The following CAMK2D variants were observed in gnomAD, a reference collection of about 807,000 sequenced individuals.
CAMK2D encodes the protein calcium/calmodulin-dependent protein kinase type II subunit delta.
Under a neutral mutation model 84.0 loss-of-function variants are expected in CAMK2D, and 37 were observed. That is an observed-to-expected ratio of 0.44 (90% CI 0.34 to 0.58). The LOEUF (loss-of-function observed/expected upper bound fraction) is 0.58, where lower values mean the gene tolerates loss of function less well. Ranked by LOEUF, CAMK2D falls within the 20% of genes least tolerant of loss-of-function variation. The probability of loss-of-function intolerance (pLI) is 0.02; values close to 1 mark genes in which losing one functional copy is unlikely to be tolerated. For missense variants in CAMK2D, 448 were observed against 652.5 expected (o/e 0.69, Z 3.41); for synonymous variants, 202 against 212.5 (o/e 0.95, Z 0.43).
At chr4:113,519,470 T>C in intron 8 of CAMK2D, among the ~76,000 whole-genome samples, 1 of 151,870 alleles carries the variant, frequency 6.6e-6, no homozygotes, top group Non-Finnish European at 1.5e-5. Flanking sequence ...TTAAATAAAA[T>C]AATAGCATAA....
At chr4:113,638,437 G>A (rs1464529834) in intron 3 of CAMK2D, among the ~76,000 whole-genome samples, 1 of 152,084 alleles carries the variant, frequency 6.6e-6, no homozygotes, top group African/African-American at 2.4e-5. Context: ...TCTTTTCTGA[G>A]GTGTGATTCC....
chr4:113,752,614 A>C (rs17636609), intron 2 of CAMK2D, among the ~76,000 whole-genome samples: 1 of 152,050 alleles, frequency 6.6e-6, no homozygotes, highest in East Asian at 1.9e-4. Context: ...GCTGAGTTTT[A>C]GTTTGCAGTG....
intron 4 of CAMK2D, among the ~76,000 whole-genome samples, chr4:113,578,220 C>T (rs547317425): frequency 1.3e-5 from 2 of 152,302 alleles, no homozygotes; most frequent in East Asian, 3.9e-4. Flanking sequence ...CTGTCATAGT[C>T]AGCCCCTTTG....
At chr4:113,508,172 A>G (rs2154158143) in intron 13 of CAMK2D, 2 of 1,183,816 alleles carry the variant, frequency 1.7e-6, no homozygotes, top group Non-Finnish European at 1.2e-6. Context: ...TCTTAGGTAA[A>G]TAAGACTTTT....
intron 18 of CAMK2D, 108 bp downstream of exon 18, chr4:113,460,039 G>T (rs944901822): frequency 6.4e-5 from 46 of 718,882 alleles, no homozygotes; most frequent in Admixed American, 1.4e-4. Context: ...TCAAATGCTG[G>T]ATGAAGGTAA....
At chr4:113,534,338 AAAAG>A (rs1349237844) in intron 7 of CAMK2D, among the ~76,000 whole-genome samples, 16 of 152,138 alleles carry the variant, frequency 1.1e-4, no homozygotes, top group African/African-American at 3.6e-4. Flanking sequence ...TGAGAAAAGA[AAAAG>A]AAAGAGAAAA....
At chr4:113,699,362 A>C (rs2099411685) in intron 2 of CAMK2D, among the ~76,000 whole-genome samples, 1 of 152,122 alleles carries the variant, frequency 6.6e-6, no homozygotes, top group African/African-American at 2.4e-5. Flanking sequence ...TCTCAGAAAA[A>C]AGTGACATAT....
intron 16 of CAMK2D, among the ~76,000 whole-genome samples, chr4:113,476,955 A>G (rs2154123987): frequency 6.6e-6 from 1 of 152,010 alleles, no homozygotes; most frequent in South Asian, 2.1e-4. Context: ...TTCCCAACCA[A>G]TCAGCAGCAC....
chr4:113,669,228 G>C (rs962888280), intron 2 of CAMK2D, among the ~76,000 whole-genome samples: 3 of 152,076 alleles, frequency 2.0e-5, no homozygotes, highest in African/African-American at 7.2e-5. Context: ...ATAAACTATA[G>C]TGAATCCTAA....
At chr4:113,640,583 A>G (rs946886010) in intron 3 of CAMK2D, among the ~76,000 whole-genome samples, 5 of 152,218 alleles carry the variant, frequency 3.3e-5, no homozygotes, top group African/African-American at 1.2e-4. Context: ...GGTATGGAGC[A>G]TTCAACTATA....
At chr4:113,563,108 G>T (rs2098706149) in intron 4 of CAMK2D, among the ~76,000 whole-genome samples, 1 of 151,638 alleles carries the variant, frequency 6.6e-6, no homozygotes. Context: ...ACAAAAGTTA[G>T]CTGGGCCTGG....
intron 4 of CAMK2D, among the ~76,000 whole-genome samples, chr4:113,596,586 A>G (rs527482018): frequency 1.3e-5 from 2 of 152,314 alleles, no homozygotes; most frequent in Admixed American, 1.3e-4. Flanking sequence ...TGAAAACAAC[A>G]ATCATCTCTT....
intron 3 of CAMK2D, among the ~76,000 whole-genome samples, chr4:113,654,332 T>C (rs1302207880): frequency 6.6e-6 from 1 of 152,036 alleles, no homozygotes; most frequent in East Asian, 1.9e-4. Flanking sequence ...GGCTCTTATA[T>C]ATTCTTTAAT....
intron 8 of CAMK2D, among the ~76,000 whole-genome samples, chr4:113,518,064 G>GC (rs1371430484): frequency 6.6e-6 from 1 of 152,138 alleles, no homozygotes; most frequent in Non-Finnish European, 1.5e-5. Context: ...CCTCATACTT[G>GC]TTTTGATGGT....
chr4:113,535,660 T>C (rs1320313863), intron 7 of CAMK2D, among the ~76,000 whole-genome samples: 2 of 152,236 alleles, frequency 1.3e-5, no homozygotes, highest in African/African-American at 4.8e-5. Flanking sequence ...AATAGTTTCA[T>C]GCCTCTGAGC....
At chr4:113,499,227 TTTA>T (rs2097992876) in intron 16 of CAMK2D, among the ~76,000 whole-genome samples, 1 of 152,184 alleles carries the variant, frequency 6.6e-6, no homozygotes. Context: ...CAGTTCAAAT[TTTA>T]GCTTAAGTGC....
intron 4 of CAMK2D, among the ~76,000 whole-genome samples, chr4:113,607,960 C>T (rs1591856611): frequency 6.6e-6 from 1 of 152,188 alleles, no homozygotes; most frequent in East Asian, 1.9e-4. Flanking sequence ...TAATTTCATT[C>T]CCTTAACAAA....
At chr4:113,676,281 C>T (rs2099317992) in intron 2 of CAMK2D, among the ~76,000 whole-genome samples, 1 of 152,272 alleles carries the variant, frequency 6.6e-6, no homozygotes, top group South Asian at 2.1e-4. Flanking sequence ...CATTTCCACT[C>T]GATTTCAGTC....
intron 7 of CAMK2D, among the ~76,000 whole-genome samples, chr4:113,535,185 T>C (rs946085998): frequency 2.0e-5 from 3 of 152,130 alleles, no homozygotes; most frequent in Non-Finnish European, 4.4e-5. Flanking sequence ...TCCTGCCTCA[T>C]ACCCCAAGTC....
Sources: gnomAD v4.1 joint callset for allele counts (sites outside exome capture counted in the v4.1 genomes callset) on GRCh38, gnomAD v4.1.1 for gene constraint, MANE v1.5 for transcripts, NCBI Gene and HGNC (gene_info 2026-07-23, HGNC 2026-07-21) for gene names.